Variants in TRPM3 observed in about 807,000 individuals in gnomAD.
TRPM3 encodes the protein transient receptor potential cation channel subfamily M member 3.
TRPM3 carries 77 observed loss-of-function variants against 181.2 expected under a neutral mutation model. That is an observed-to-expected ratio of 0.42 (90% CI 0.35 to 0.51). The LOEUF (loss-of-function observed/expected upper bound fraction) is 0.51. Ranked by LOEUF, TRPM3 falls within the 20% of genes least tolerant of loss-of-function variation. The pLI, the probability that TRPM3 is intolerant of heterozygous loss-of-function variation, is 0.01. For missense variants in TRPM3, 1,759 were observed against 2,196.7 expected (o/e 0.80, Z 3.98); for synonymous variants, 745 against 796.4 (o/e 0.94, Z 1.09).
chr9:71,313,255 A>C (rs1366743314), intron 1 of TRPM3, among the ~76,000 whole-genome samples: 3 of 152,084 alleles, frequency 2.0e-5, no homozygotes, highest in South Asian at 4.1e-4. Context: ...AACACTAAAA[A>C]TTTTTTAAGT....
At chr9:71,152,640 C>T (rs1407951328) in intron 1 of TRPM3, among the ~76,000 whole-genome samples, 1 of 152,112 alleles carries the variant, frequency 6.6e-6, no homozygotes, top group East Asian at 1.9e-4. Flanking sequence ...TGCTTCCTAG[C>T]CTTACTGCTG....
At chr9:70,737,976 G>A (rs1251506030) in intron 8 of TRPM3, among the ~76,000 whole-genome samples, 1 of 152,020 alleles carries the variant, frequency 6.6e-6, no homozygotes, top group Non-Finnish European at 1.5e-5. Flanking sequence ...AAGACAGAAA[G>A]GCAACAAAGA....
At chr9:70,803,022 G>A (rs1187425911) in intron 6 of TRPM3, among the ~76,000 whole-genome samples, 3 of 104,598 alleles carry the variant, frequency 2.9e-5, no homozygotes, top group Non-Finnish European at 5.7e-5. Context: ...AACTTGCCTG[G>A]AGAAATTTTG....
chr9:71,071,247 C>T (rs1194335967), intron 1 of TRPM3, among the ~76,000 whole-genome samples: 1 of 152,074 alleles, frequency 6.6e-6, no homozygotes, highest in Non-Finnish European at 1.5e-5. Flanking sequence ...CCTTAGAAGC[C>T]GTGTTTTGAG....
chr9:71,160,122 A>G (rs1385164912), intron 1 of TRPM3, among the ~76,000 whole-genome samples: 1 of 152,098 alleles, frequency 6.6e-6, no homozygotes, highest in Non-Finnish European at 1.5e-5. Context: ...TTCTTTGAAT[A>G]CACCAGGCAC....
At chr9:70,679,593 G>A (rs1200977628) in intron 9 of TRPM3, among the ~76,000 whole-genome samples, 1 of 152,144 alleles carries the variant, frequency 6.6e-6, no homozygotes, top group Non-Finnish European at 1.5e-5. Flanking sequence ...ATAAGTGAGG[G>A]CTATGGGGTC....
chr9:71,233,047 G>T (rs927242690), intron 1 of TRPM3, among the ~76,000 whole-genome samples: 1 of 152,114 alleles, frequency 6.6e-6, no homozygotes, highest in Non-Finnish European at 1.5e-5. Flanking sequence ...GCTAGGGTTT[G>T]ACATCTGAAA....
At chr9:71,342,564 A>C (rs2091031648) in intron 1 of TRPM3, among the ~76,000 whole-genome samples, 1 of 152,084 alleles carries the variant, frequency 6.6e-6, no homozygotes, top group South Asian at 2.1e-4. Context: ...AAAATAATAC[A>C]TATCCAAGTG....
chr9:70,974,311 G>A (rs968600992), intron 1 of TRPM3, among the ~76,000 whole-genome samples: 8 of 152,064 alleles, frequency 5.3e-5, no homozygotes, highest in Admixed American at 3.3e-4. Context: ...AGGTCAAGGC[G>A]GGGGGATCAC....
intron 1 of TRPM3, among the ~76,000 whole-genome samples, chr9:71,211,361 G>GT (rs11400047): frequency 0.69 from 100,573 of 146,518 alleles, 35,925 homozygotes; most frequent in East Asian, 0.91. Context: ...ATATGATTGT[G>GT]TTTTTTTTTT....
At chr9:71,021,563 T>A (rs1315187033) in intron 1 of TRPM3, among the ~76,000 whole-genome samples, 1 of 152,204 alleles carries the variant, frequency 6.6e-6, no homozygotes, top group Non-Finnish European at 1.5e-5. Flanking sequence ...ATTTTAAAAA[T>A]CTAGTAATGT....
At chr9:71,192,087 T>A (rs1471432596) in intron 1 of TRPM3, among the ~76,000 whole-genome samples, 2 of 151,886 alleles carry the variant, frequency 1.3e-5, no homozygotes, top group African/African-American at 4.8e-5. Context: ...AGGCAGTGGC[T>A]TAAATCTTTA....
At chr9:70,738,230 A>G (rs1237441672) in intron 8 of TRPM3, among the ~76,000 whole-genome samples, 2 of 152,190 alleles carry the variant, frequency 1.3e-5, no homozygotes, top group African/African-American at 4.8e-5. Flanking sequence ...CCACAAAACC[A>G]TGCATGTACA....
At chr9:71,052,457 C>A (rs904455954) in intron 1 of TRPM3, among the ~76,000 whole-genome samples, 1 of 152,068 alleles carries the variant, frequency 6.6e-6, no homozygotes, top group African/African-American at 2.4e-5. Flanking sequence ...CCCAAGTCAG[C>A]AGGAAAGAAT....
intron 1 of TRPM3, among the ~76,000 whole-genome samples, chr9:71,171,253 C>A (rs1444944651): frequency 6.6e-6 from 1 of 152,170 alleles, no homozygotes; most frequent in Non-Finnish European, 1.5e-5. Flanking sequence ...GTCCTGTGGT[C>A]CTGTGATCTC....
chr9:71,078,512 CTAAAA>C (rs1298170929), intron 1 of TRPM3, among the ~76,000 whole-genome samples: 2 of 152,126 alleles, frequency 1.3e-5, no homozygotes, highest in Admixed American at 1.3e-4. Flanking sequence ...TTCTTATCCT[CTAAAA>C]TTTTTGTCAT....
At chr9:70,917,613 T>C (rs9696174) in intron 1 of TRPM3, 65,147 of 418,566 alleles carry the variant, frequency 0.16, 12,007 homozygotes, top group African/African-American at 0.52. Flanking sequence ...TCACAAGTCT[T>C]ATGGTAGCCT....
Position 71,120,343 on chromosome 9 carries a change from T to TGCCCA in TRPM3, c.177+834_177+835insTGGGC, listed in dbSNP as rs2073346280. On this transcript the variant is annotated intron_variant, in intron 1 of 25. Transcript: ENST00000677713. ...CTTCTATTTACTGGGCAAAAATGCT[T>TGCCCA]GTTTCCTGCACCTTTAAATCTAATT... Among the ~76,000 whole-genome samples, 4 of 152,194 alleles carry TGCCCA rather than the reference T, an allele frequency of 2.6e-5. No homozygotes were observed. The South Asian group carries it at 6.2e-4, about 24-fold the overall frequency.
At chr9:70,992,861 T>C (rs918671887) in intron 1 of TRPM3, among the ~76,000 whole-genome samples, 3 of 152,160 alleles carry the variant, frequency 2.0e-5, no homozygotes, top group African/African-American at 2.4e-5. Context: ...AACAGTGATG[T>C]TGAGTCACTG....
Sources: gnomAD v4.1 joint callset for allele counts (sites outside exome capture counted in the v4.1 genomes callset) on GRCh38, gnomAD v4.1.1 for gene constraint, MANE v1.5 for transcripts, NCBI Gene and HGNC (gene_info 2026-07-23, HGNC 2026-07-21) for gene names.